TMED8: variants seen among roughly 807,000 people sequenced by gnomAD.
TMED8 encodes transmembrane p24 trafficking protein family member 8, also known as protein TMED8.
In TMED8, 15 loss-of-function variants were observed where a neutral mutation model predicts 32.7. That is an observed-to-expected ratio of 0.46 (90% CI 0.31 to 0.71). The LOEUF (loss-of-function observed/expected upper bound fraction) is 0.71. TMED8 is among the 30% of genes least tolerant of loss of function. The probability of loss-of-function intolerance (pLI) is 0.06; values close to 1 mark genes in which losing one functional copy is unlikely to be tolerated. For missense variants in TMED8, 390 were observed against 423.9 expected (o/e 0.92, Z 0.70); for synonymous variants, 147 against 161.4 (o/e 0.91, Z 0.68).
At chr14:77,343,636 C>A in intron 4 of TMED8, 61 bp downstream of exon 4, 1 of 1,601,240 alleles carries the variant, frequency 6.2e-7, no homozygotes, top group Non-Finnish European at 8.5e-7. Context: ...TGTCTGTCTG[C>A]CTGCCTTTCT....
chr14:77,370,874 G>A lies in TMED8; in HGVS notation c.118+6062C>T, dbSNP rs538491976. On this transcript the variant is annotated intron_variant, in intron 1 of 5. Coordinates refer to ENST00000216468, the MANE Select transcript of TMED8 (RefSeq NM_213601.3). ...TGATGCAGGAGAATCGCTTGAACCC[G>A]GGAGGCGGAGGTTGCAGTGAGCTAA... is the stretch of plus-strand genomic sequence containing the variant. Among the ~76,000 whole-genome samples, 17 of 151,896 alleles carry A rather than the reference G, an allele frequency of 1.1e-4. 1 individual carries two copies. The highest frequency in any genetic ancestry group is 1.0e-3 in the South Asian group (5 of 4,814).
intron 2 of TMED8, among the ~76,000 whole-genome samples, chr14:77,351,470 C>T (rs1893177173): frequency 7.4e-6 from 1 of 135,050 alleles, no homozygotes; most frequent in African/African-American, 2.8e-5. Flanking sequence ...ACTGTGCTAG[C>T]CAGGATGGTC....
At chr14:77,342,967 C>A (rs1401070682) in intron 5 of TMED8, among the ~76,000 whole-genome samples, 1 of 152,088 alleles carries the variant, frequency 6.6e-6, no homozygotes, top group Non-Finnish European at 1.5e-5. Context: ...CAATGAGGTA[C>A]CGATAAGGAA....
rs752243679 is a variant in TMED8, at chr14:77,343,764, A to G, written c.387T>C (p.His129=). The G allele has an allele frequency of 8.7e-6, 14 of 1,614,092 alleles. No homozygotes were observed. Among genetic ancestry groups the G allele is most frequent in the Non-Finnish European group, 1.2e-5 (14 of 1,180,040 alleles). The part of the protein sequence containing the change: ...SGDIVMIQSE[H]TGAIDVLSAD... ...CTGAAAGAACATCTATAGCTCCTGT[A>G]TGTTCAGACTGGATCATAACGATGT... The change falls in exon 4 of 6, where the codon CAT becomes CAC. Residue 129 remains histidine, a synonymous_variant. Coordinates refer to ENST00000216468, the MANE Select transcript of TMED8 (RefSeq NM_213601.3).
chr14:77,368,661 G>C (rs1330730381), intron 1 of TMED8, among the ~76,000 whole-genome samples: 1 of 152,066 alleles, frequency 6.6e-6, no homozygotes, highest in Non-Finnish European at 1.5e-5. Context: ...TATTTTAGTA[G>C]AGACAGGGTT....
intron 2 of TMED8, 30 bp downstream of exon 2, chr14:77,351,643 C>T (rs1304003350): frequency 1.3e-6 from 2 of 1,575,518 alleles, no homozygotes; most frequent in East Asian, 2.3e-5. Flanking sequence ...AAGATAAAAC[C>T]TGTGAAAGCA....
At chr14:77,346,684 TA>T (rs2139607285) in intron 2 of TMED8, among the ~76,000 whole-genome samples, 1 of 146,858 alleles carries the variant, frequency 6.8e-6, no homozygotes, top group African/African-American at 2.5e-5. Context: ...AAACAAAGAC[TA>T]ACAAGGCCAG....
chr14:77,344,739 G>A (rs1892986770), intron 3 of TMED8, among the ~76,000 whole-genome samples: 1 of 152,212 alleles, frequency 6.6e-6, no homozygotes, highest in Non-Finnish European at 1.5e-5. Context: ...GGCTGGAATT[G>A]TATTTGTGAG....
In TMED8 at chr14:77,339,366, T is replaced by C. The variant is rs1892839418; in HGVS notation, c.*2405A>G. The C allele has an allele frequency of 1.3e-5, 2 of 152,328 alleles. No homozygotes were observed. Among genetic ancestry groups the C allele is most frequent in the South Asian group, 4.1e-4 (2 of 4,826 alleles). 9.4% of individuals were successfully genotyped at this position (152,328 alleles called of 1,614,324 possible). ...ACAGAGGTGAGGGGAACAAGTCCCTTAGGCTTCCCTGATGCAACAGAACTA... is the reference window on the plus strand; with the variant it reads ...ACAGAGGTGAGGGGAACAAGTCCCTCAGGCTTCCCTGATGCAACAGAACTA... On this transcript the variant is annotated 3_prime_UTR_variant, in exon 6 of 6. Coordinates refer to ENST00000216468, the MANE Select transcript of TMED8 (RefSeq NM_213601.3).
chr14:77,377,029 C>A lies in TMED8; in HGVS notation c.25G>T (p.Gly9Trp), dbSNP rs1411138683. MSDLQAAE[G>W]PGSWSPTARP... ...GCTGTGGGGCTCCAGGAGCCCGGCC[C>A]CTCAGCCGCCTGCAGGTCAGACATC... Residue 9 changes from glycine to tryptophan, a missense_variant, in exon 1 of 6, where the codon GGG becomes TGG. Coordinates refer to ENST00000216468, the MANE Select transcript of TMED8 (RefSeq NM_213601.3). 4 of 1,386,836 alleles carry A rather than the reference C, an allele frequency of 2.9e-6. No individual in the cohort carries two copies. Among genetic ancestry groups the A allele is most frequent in the Non-Finnish European group, 3.7e-6 (4 of 1,080,898 alleles). 85.9% of individuals were successfully genotyped at this position (1,386,836 alleles called of 1,614,324 possible).
At chr14:77,367,730 G>A (rs999667775) in intron 1 of TMED8, among the ~76,000 whole-genome samples, 4 of 147,690 alleles carry the variant, frequency 2.7e-5, no homozygotes, top group African/African-American at 1.0e-4. Flanking sequence ...TCTCACTCTT[G>A]TTGCCCAGGC....
At chr14:77,347,849 A>G (rs1594842351) in intron 2 of TMED8, among the ~76,000 whole-genome samples, 1 of 152,344 alleles carries the variant, frequency 6.6e-6, no homozygotes, top group South Asian at 2.1e-4. Flanking sequence ...AAAAGGTGAC[A>G]TGGATTTTTT....
chr14:77,346,891 T>A (rs889040350), intron 2 of TMED8, among the ~76,000 whole-genome samples: 4 of 151,986 alleles, frequency 2.6e-5, no homozygotes, highest in Admixed American at 6.6e-5. Flanking sequence ...ATGATTAAAT[T>A]GAGCTAATTA....
rs960834632 is a variant in TMED8 at position 77,336,215 on chromosome 14, A to G, written c.*5556T>C. On this transcript the variant is annotated 3_prime_UTR_variant, in exon 6 of 6. Transcript: ENST00000216468. Reference sequence around the variant, plus strand: ...TTTTGCCCCCAGATAAGCCACAACTACCTGCTTAAATTTTTTTTTAAACTA... The same window carrying G: ...TTTTGCCCCCAGATAAGCCACAACTGCCTGCTTAAATTTTTTTTTAAACTA... 4 of 152,116 alleles carry G rather than the reference A, an allele frequency of 2.6e-5. No individual in the cohort carries two copies. The highest frequency in any genetic ancestry group is 9.7e-5 in the African/African-American group (4 of 41,410). The allele number at this position is 152,116 out of a possible 1,614,324, so 9.4% of individuals were successfully genotyped here.
intron 1 of TMED8, among the ~76,000 whole-genome samples, chr14:77,368,265 C>T (rs962614512): frequency 1.1e-5 from 1 of 87,044 alleles, no homozygotes; most frequent in African/African-American, 5.8e-5. Flanking sequence ...ATGCTACCAG[C>T]ATTGTAGCAT....
chr14:77,341,610 G>T lies in TMED8; in HGVS notation c.*161C>A. On this transcript the variant is annotated 3_prime_UTR_variant, in exon 6 of 6. Transcript: ENST00000216468. ...CACCACCACCTGCAGAAGCCAAGAAGGGGAAAAAGCTACGTGGGCCAACAG... is the reference window on the plus strand; with the variant it reads ...CACCACCACCTGCAGAAGCCAAGAATGGGAAAAAGCTACGTGGGCCAACAG... 1 of 666,000 alleles carries T rather than the reference G, an allele frequency of 1.5e-6. No homozygotes were observed. Among genetic ancestry groups the T allele is most frequent in the Non-Finnish European group, 2.6e-6 (1 of 385,288 alleles). The allele number at this position is 666,000 out of a possible 1,614,324, so 41.3% of individuals were successfully genotyped here.
intron 1 of TMED8, among the ~76,000 whole-genome samples, chr14:77,364,954 T>C (rs1893518538): frequency 6.6e-6 from 1 of 152,238 alleles, no homozygotes; most frequent in Non-Finnish European, 1.5e-5. Flanking sequence ...TTTGTCATCC[T>C]TTAAGAGCTC....
chr14:77,375,697 T>C (rs540573034), intron 1 of TMED8, among the ~76,000 whole-genome samples: 2 of 152,114 alleles, frequency 1.3e-5, no homozygotes, highest in African/African-American at 4.8e-5. Context: ...GGGAAGATAC[T>C]TGGGATCAGA....
intron 1 of TMED8, among the ~76,000 whole-genome samples, chr14:77,358,543 C>G (rs906373693): frequency 6.6e-6 from 1 of 152,062 alleles, no homozygotes; most frequent in Admixed American, 6.6e-5. Context: ...GTGATCTGCC[C>G]GCCTCAGCCT....
Sources: gnomAD v4.1 joint callset for allele counts (sites outside exome capture counted in the v4.1 genomes callset) on GRCh38, gnomAD v4.1.1 for gene constraint, MANE v1.5 for transcripts, NCBI Gene and HGNC (gene_info 2026-07-23, HGNC 2026-07-21) for gene names.